The following C8orf74 variants were observed in gnomAD, a reference collection of about 807,000 sequenced individuals.
C8orf74 encodes the protein uncharacterized protein C8orf74.
C8orf74 carries 29 observed loss-of-function variants against 22.2 expected under a neutral mutation model. The ratio of observed to expected loss-of-function variants is 1.31; its 90% CI spans 0.97 to 1.78. The LOEUF (loss-of-function observed/expected upper bound fraction) is 1.78. C8orf74 is among the 40% of genes most tolerant of loss of function. The probability of loss-of-function intolerance (pLI) is 0.00; values close to 1 mark genes in which losing one functional copy is unlikely to be tolerated. For missense variants in C8orf74, 515 were observed against 369.9 expected (o/e 1.39, Z -3.22); for synonymous variants, 255 against 163.1 (o/e 1.56, Z -4.30).
In C8orf74 at chr8:10,697,790, T is replaced by C. The variant is rs961622200; in HGVS notation, c.433T>C (p.Cys145Arg). 1 of 1,613,956 alleles carries C rather than the reference T, an allele frequency of 6.2e-7. No homozygotes were observed. The highest frequency in any genetic ancestry group is 2.2e-5 in the East Asian group (1 of 44,882). Reference protein sequence around the residue: ...VDLTVAHLEVCMPPHPLPLAE... With the variant: ...VDLTVAHLEVRMPPHPLPLAE... ...CCTGACCGTTGCCCACCTGGAGGTG[T>C]GCATGCCACCCCATCCCCTCCCGCT... Residue 145 changes from cysteine to arginine, a missense_variant, in exon 3 of 4, where the codon TGC becomes CGC. Transcript: ENST00000304519.
At chr8:10,693,948 C>A (rs1328631270) in intron 2 of C8orf74, among the ~76,000 whole-genome samples, 2 of 152,230 alleles carry the variant, frequency 1.3e-5, no homozygotes, top group African/African-American at 4.8e-5. Flanking sequence ...CCTTTAGGTG[C>A]CAACGACAAC....
intron 3 of C8orf74, 25 bp downstream of exon 3, chr8:10,698,030 G>T: frequency 6.9e-7 from 1 of 1,447,036 alleles, no homozygotes; most frequent in South Asian, 1.4e-5. Context: ...CCCTGCCGTG[G>T]GTGGGCACCT....
At chr8:10,699,060 C>T (rs1457707889) in intron 3 of C8orf74, among the ~76,000 whole-genome samples, 1 of 152,158 alleles carries the variant, frequency 6.6e-6, no homozygotes, top group Non-Finnish European at 1.5e-5. Context: ...CGAAGACATT[C>T]AATAAAGACC....
intron 2 of C8orf74, chr8:10,686,975 A>C (rs1799274104): frequency 4.9e-6 from 2 of 408,390 alleles, no homozygotes; most frequent in Non-Finnish European, 4.9e-6. Context: ...ATCCCACCAT[A>C]GGTGAGTAGA....
intron 2 of C8orf74, among the ~76,000 whole-genome samples, chr8:10,676,012 T>G (rs888067803): frequency 5.9e-5 from 9 of 151,996 alleles, no homozygotes; most frequent in African/African-American, 2.2e-4. Context: ...CTGGATCGGA[T>G]GGGTCGTGAT....
intron 2 of C8orf74, among the ~76,000 whole-genome samples, chr8:10,690,501 T>C (rs2129058051): frequency 6.6e-6 from 1 of 152,274 alleles, no homozygotes. Flanking sequence ...GGGCCAGCCC[T>C]GGTAGGCGCT....
chr8:10,690,726 C>T (rs984789620), intron 2 of C8orf74: 3 of 377,806 alleles, frequency 7.9e-6, no homozygotes, highest in Non-Finnish European at 1.6e-5. Flanking sequence ...TATGAGGGCC[C>T]AAGGAAGCCA....
At position 10,672,723 on chromosome 8, in the gene C8orf74, G is replaced by C. The variant is rs1378268681; in HGVS notation, c.48+10G>C. On this transcript the variant is annotated intron_variant, in intron 1 of 3. Transcript: ENST00000304519. ...AGTCTTCCAACTTCAGGTGAAGGAA[G>C]AGAAAATGTGGCTTTTAAACAGAAA... The C allele has an allele frequency of 1.3e-6, 2 of 1,555,164 alleles. No individual in the cohort carries two copies. Among genetic ancestry groups the C allele is most frequent in the Non-Finnish European group, 1.7e-6 (2 of 1,148,528 alleles).
chr8:10,674,119 C>A (rs1798974190), intron 1 of C8orf74, among the ~76,000 whole-genome samples: 2 of 144,206 alleles, frequency 1.4e-5, no homozygotes, highest in East Asian at 4.2e-4. Context: ...TCATACCCTG[C>A]AGCCCCCATA....
chr8:10,673,366 T>A (rs752383969), intron 1 of C8orf74, among the ~76,000 whole-genome samples: 25 of 152,140 alleles, frequency 1.6e-4, no homozygotes, highest in Non-Finnish European at 2.9e-5. Flanking sequence ...AAAATGGGTT[T>A]TTACTTCTAG....
chr8:10,682,869 G>C (rs971158464), intron 2 of C8orf74, among the ~76,000 whole-genome samples: 1 of 152,230 alleles, frequency 6.6e-6, no homozygotes, highest in Non-Finnish European at 1.5e-5. Context: ...CATGTGCTTG[G>C]CCTTTAACAC....
At position 10,696,279 on chromosome 8, in the gene C8orf74, A is replaced by G. The variant is rs532762221; in HGVS notation, c.242-1320A>G. Reference sequence around the variant, plus strand: ...AGTGGGGAGATGGGTCACCCCCACAAGGAGCACTGCCCTTGGTGCTGCCCT... The same window carrying G: ...AGTGGGGAGATGGGTCACCCCCACAGGGAGCACTGCCCTTGGTGCTGCCCT... On this transcript the variant is annotated intron_variant, in intron 2 of 3. Transcript: ENST00000304519. Among the ~76,000 whole-genome samples, 66 of 152,160 alleles carry G rather than the reference A, an allele frequency of 4.3e-4. 1 individual carries two copies. Among genetic ancestry groups the G allele is most frequent in the African/African-American group, 1.5e-3 (64 of 41,518 alleles).
intron 2 of C8orf74, among the ~76,000 whole-genome samples, chr8:10,693,222 G>C (rs973011465): frequency 1.3e-5 from 2 of 152,252 alleles, no homozygotes; most frequent in Non-Finnish European, 2.9e-5. Context: ...CAACCACAGG[G>C]CCTTTGCACA....
At chr8:10,679,165 A>G (rs1424579127) in intron 2 of C8orf74, among the ~76,000 whole-genome samples, 5 of 152,152 alleles carry the variant, frequency 3.3e-5, no homozygotes. Context: ...GGGCAAGAAC[A>G]GCATCCACTT....
rs61729951 is a variant in C8orf74 at position 10,674,678 on chromosome 8, T to G, written c.81T>G (p.Leu27=). Reference sequence around the variant, plus strand: ...AAGGTCGGGAGCGCCTGCGGAGGCTTCTGAACTGGGAGGAGTTTGACGAAC... The same window carrying G: ...AAGGTCGGGAGCGCCTGCGGAGGCTGCTGAACTGGGAGGAGTTTGACGAAC... ...RPQGRERLRR[L]LNWEEFDEQR... Residue 27 remains leucine, a synonymous_variant, in exon 2 of 4, where the codon CTT becomes CTG. Transcript: ENST00000304519. The G allele has an allele frequency of 1.2e-6, 2 of 1,610,410 alleles. No individual in the cohort carries two copies.
Position 10,700,466 on chromosome 8 carries a change from A to C in C8orf74, c.880A>C (p.Lys294Gln). The C allele has an allele frequency of 6.4e-7, 1 of 1,569,414 alleles. No homozygotes were observed. The highest frequency in any genetic ancestry group is 8.6e-7 in the Non-Finnish European group (1 of 1,156,976). The change falls in exon 4 of 4, where the codon AAG becomes CAG. Residue 294 changes from lysine to glutamine, a missense_variant. Physicochemically the swap from Lys to Gln is moderately conservative, Grantham distance 53. Coordinates refer to ENST00000304519, the MANE Select transcript of C8orf74 (RefSeq NM_001040032.2). ...CAAAGGAAAGAAAGCGAAGGCAAGG[A>C]AGTAGAAGGTCCCGACTGCCACACG... is the stretch of plus-strand genomic sequence containing the variant. ...ASKGKKAKARK is the reference protein window; with the variant it reads ...ASKGKKAKARQ
In C8orf74 at chr8:10,674,748, A is replaced by G. The variant is rs1180583372; in HGVS notation, c.151A>G (p.Ser51Gly). Residue 51 changes from serine to glycine, a missense_variant, in exon 2 of 4, where the codon AGC (serine) becomes GGC (glycine). Transcript: ENST00000304519. ...CATCCTGCTGGACACCCTCTACGAG[A>G]GCATCATCTTTGCAGTGGGCAAAGG... ...RSILLDTLYESIIFAVGKGFP... is the reference protein window; with the variant it reads ...RSILLDTLYEGIIFAVGKGFP... 2.5e-6 allele frequency: 4 copies of G among 1,607,452 alleles called. No homozygotes were observed. The highest frequency in any genetic ancestry group is 1.3e-5 in the African/African-American group (1 of 74,782).
At chr8:10,700,173 T>A in intron 3 of C8orf74, 62 bp from the exon 4 acceptor site, 1 of 1,077,782 alleles carries the variant, frequency 9.3e-7, no homozygotes, top group East Asian at 2.4e-5. Context: ...AGGGGCTGAG[T>A]TGAGAACTGG....
At chr8:10,690,436 G>A (rs755479601) in intron 2 of C8orf74, among the ~76,000 whole-genome samples, 8 of 152,174 alleles carry the variant, frequency 5.3e-5, no homozygotes, top group Non-Finnish European at 1.0e-4. Flanking sequence ...GGGGATGAAG[G>A]ATGCTGTTGG....
Sources: allele counts gnomAD v4.1 joint callset (sites outside exome capture counted in the v4.1 genomes callset), GRCh38; gene constraint gnomAD v4.1.1; transcripts MANE v1.5; gene names NCBI Gene and HGNC (gene_info 2026-07-23, HGNC 2026-07-21).